The following PTPRM variants were observed in gnomAD, a reference collection of about 807,000 sequenced individuals.
PTPRM encodes the protein receptor-type tyrosine-protein phosphatase mu.
A neutral mutation model predicts 186.7 loss-of-function variants in PTPRM; 47 were observed. The ratio of observed to expected loss-of-function variants is 0.25; its 90% CI spans 0.20 to 0.32. The LOEUF (loss-of-function observed/expected upper bound fraction) is 0.32. Among genes scored for constraint, PTPRM ranks in the 10% least tolerant of loss-of-function variants. The probability of loss-of-function intolerance (pLI) is 1.00; values close to 1 mark genes in which losing one functional copy is unlikely to be tolerated. For synonymous variants in PTPRM, 668 were observed against 674.9 expected (o/e 0.99, Z 0.16); for missense variants, 1,494 against 1,865.0 (o/e 0.80, Z 3.66).
intron 31 of PTPRM, among the ~76,000 whole-genome samples, chr18:8,390,971 A>AATAATAATAAT (rs1568894174): frequency 3.4e-5 from 4 of 117,318 alleles, no homozygotes; most frequent in African/African-American, 1.3e-4. Flanking sequence ...ATAATAATAA[A>AATAATAATAAT]GATGTCCCGA....
At chr18:7,586,220 G>T (rs577820558) in intron 1 of PTPRM, among the ~76,000 whole-genome samples, 4 of 152,238 alleles carry the variant, frequency 2.6e-5, no homozygotes, top group South Asian at 4.1e-4. Flanking sequence ...TGCATACATC[G>T]TGGGCTTAAC....
intron 8 of PTPRM, among the ~76,000 whole-genome samples, chr18:8,075,526 C>G (rs1369313048): frequency 2.6e-5 from 4 of 152,012 alleles, no homozygotes; most frequent in African/African-American, 9.7e-5. Flanking sequence ...ATGAAGCATA[C>G]TAAAAAACTA....
intron 22 of PTPRM, among the ~76,000 whole-genome samples, chr18:8,321,906 CAGTAATCAAGATCACT>C (rs2095348198): frequency 8.1e-6 from 1 of 123,186 alleles, no homozygotes; most frequent in East Asian, 2.4e-4. Flanking sequence ...CTTAGATCAC[CAGTAATCAAGATCACT>C]GATGATAATC....
chr18:7,613,840 A>T (rs763945996), intron 1 of PTPRM, among the ~76,000 whole-genome samples: 15 of 152,214 alleles, frequency 9.9e-5, no homozygotes, highest in Non-Finnish European at 2.1e-4. Flanking sequence ...TTAATTCATA[A>T]TGATTTTTAT....
intron 1 of PTPRM, among the ~76,000 whole-genome samples, chr18:7,709,832 A>G (rs961182654): frequency 1.4e-4 from 21 of 152,196 alleles, no homozygotes; most frequent in African/African-American, 5.1e-4. Flanking sequence ...GAAATATACA[A>G]CCCTCCTAGA....
chr18:7,842,629 T>C (rs989281657), intron 2 of PTPRM, among the ~76,000 whole-genome samples: 1 of 152,042 alleles, frequency 6.6e-6, no homozygotes, highest in Non-Finnish European at 1.5e-5. Flanking sequence ...TGAAAGCTTT[T>C]AGAAAAGAGA....
At chr18:7,949,427 C>T in intron 6 of PTPRM, 72 bp downstream of exon 6, 1 of 1,307,694 alleles carries the variant, frequency 7.6e-7, no homozygotes, top group Non-Finnish European at 1.0e-6. Flanking sequence ...TTCATTATCC[C>T]TTTAAAGCTC....
At chr18:7,988,363 A>G (rs988471018) in intron 7 of PTPRM, among the ~76,000 whole-genome samples, 1 of 152,232 alleles carries the variant, frequency 6.6e-6, no homozygotes, top group Admixed American at 6.5e-5. Flanking sequence ...TTTGATTAAA[A>G]TAAATGAAAA....
intron 14 of PTPRM, among the ~76,000 whole-genome samples, chr18:8,176,999 A>G (rs2093493798): frequency 6.6e-6 from 1 of 152,178 alleles, no homozygotes; most frequent in South Asian, 2.1e-4. Context: ...CTTTTAAAAA[A>G]TGTGCACTGA....
chr18:7,879,850 G>A (rs1418516506), intron 2 of PTPRM, among the ~76,000 whole-genome samples: 1 of 152,152 alleles, frequency 6.6e-6, no homozygotes, highest in East Asian at 1.9e-4. Context: ...GTGAGGGAGT[G>A]TATTAGTCCA....
At chr18:8,272,208 TAA>T (rs1254909341) in intron 19 of PTPRM, among the ~76,000 whole-genome samples, 29 of 76,052 alleles carry the variant, frequency 3.8e-4, no homozygotes, top group Non-Finnish European at 5.2e-4. Context: ...TCTGCCTCAA[TAA>T]AAAAAAAAAA....
chr18:8,270,003 T>C (rs985925513), intron 19 of PTPRM: 1 of 151,946 alleles, frequency 6.6e-6, no homozygotes, highest in South Asian at 2.1e-4. Context: ...TTTGTTTTCT[T>C]AGGACCCACT....
chr18:7,663,596 T>C (rs1348497670), intron 1 of PTPRM, among the ~76,000 whole-genome samples: 1 of 152,186 alleles, frequency 6.6e-6, no homozygotes, highest in Non-Finnish European at 1.5e-5. Flanking sequence ...GGGGGAAGGC[T>C]TGTCTCAGCT....
At chr18:7,943,209 G>A (rs985484780) in intron 5 of PTPRM, among the ~76,000 whole-genome samples, 13 of 151,918 alleles carry the variant, frequency 8.6e-5, no homozygotes, top group African/African-American at 2.7e-4. Context: ...TCATTCCCCC[G>A]CTCTTCTCCA....
At chr18:7,985,254 T>C (rs1205758263) in intron 7 of PTPRM, among the ~76,000 whole-genome samples, 1 of 76,112 alleles carries the variant, frequency 1.3e-5, no homozygotes, top group Non-Finnish European at 2.5e-5. Flanking sequence ...TATATACACA[T>C]ATAAATATAT....
intron 7 of PTPRM, among the ~76,000 whole-genome samples, chr18:8,058,012 C>A (rs1318552229): frequency 3.8e-5 from 2 of 53,184 alleles, no homozygotes; most frequent in Non-Finnish European, 6.5e-5. Context: ...AGTTCTAGAT[C>A]CCTGAGGAAT....
At chr18:8,276,153 C>G (rs1444181534) in intron 19 of PTPRM, among the ~76,000 whole-genome samples, 1 of 152,046 alleles carries the variant, frequency 6.6e-6, no homozygotes, top group African/African-American at 2.4e-5. Flanking sequence ...GAAGTCTTCC[C>G]ACCCAACCCA....
At chr18:7,884,908 G>A (rs184529073) in intron 2 of PTPRM, among the ~76,000 whole-genome samples, 210 of 100,344 alleles carry the variant, frequency 2.1e-3, no homozygotes, top group African/African-American at 7.8e-3. Flanking sequence ...TGGGCGACGA[G>A]AGCAAAGCTC....
chr18:7,612,196 T>C (rs2037692156), intron 1 of PTPRM, among the ~76,000 whole-genome samples: 1 of 151,964 alleles, frequency 6.6e-6, no homozygotes, highest in South Asian at 2.1e-4. Flanking sequence ...TGTGTGTGTG[T>C]GGTGTGTGCA....
Sources: allele counts gnomAD v4.1 joint callset (sites outside exome capture counted in the v4.1 genomes callset), GRCh38; gene constraint gnomAD v4.1.1; transcripts MANE v1.5; gene names NCBI Gene and HGNC (gene_info 2026-07-23, HGNC 2026-07-21).